Variants in ASAP1 observed in about 807,000 individuals in gnomAD.
ASAP1 encodes the protein arf-GAP with SH3 domain, ANK repeat and PH domain-containing protein 1.
In ASAP1, 43 loss-of-function variants were observed where a neutral mutation model predicts 145.2. The observed-to-expected ratio is 0.30, with a 90% CI of 0.23 to 0.38. The LOEUF is 0.38. ASAP1 is among the 10% of genes least tolerant of loss of function. The pLI, the probability that ASAP1 is intolerant of heterozygous loss-of-function variation, is 1.00. For synonymous variants in ASAP1, 546 were observed against 515.5 expected, an observed-to-expected ratio of 1.06 and a Z score of -0.80; for missense variants, 1,018 against 1,355.3, an observed-to-expected ratio of 0.75 and a Z score of 3.91.
intron 24 of ASAP1, among the ~76,000 whole-genome samples, chr8:130,110,008 G>A (rs2097544099): frequency 6.6e-6 from 1 of 152,186 alleles, no homozygotes; most frequent in Non-Finnish European, 1.5e-5. Context: ...GATGACCACG[G>A]TTGCTGTGGC....
chr8:130,277,068 ATG>A (rs1000953354), intron 3 of ASAP1, among the ~76,000 whole-genome samples: 17 of 152,048 alleles, frequency 1.1e-4, no homozygotes, highest in Non-Finnish European at 2.1e-4. Context: ...TCAGAATCAC[ATG>A]TGTGTGCTTT....
chr8:130,168,569 G>A (rs765470639), intron 10 of ASAP1, among the ~76,000 whole-genome samples: 10 of 152,104 alleles, frequency 6.6e-5, no homozygotes, highest in Non-Finnish European at 1.3e-4. Context: ...CAGCCTGGGC[G>A]ACAGAGTGAG....
At chr8:130,383,000 G>A (rs115300792) in intron 2 of ASAP1, among the ~76,000 whole-genome samples, 1 of 152,172 alleles carries the variant, frequency 6.6e-6, no homozygotes. Context: ...CCAGCAGAGA[G>A]AACAGCATGT....
chr8:130,233,012 AGT>A (rs377390432), intron 4 of ASAP1, among the ~76,000 whole-genome samples: 2 of 152,330 alleles, frequency 1.3e-5, no homozygotes, highest in African/African-American at 4.8e-5. Flanking sequence ...TTACTCATTT[AGT>A]CATTTTTAAA....
At chr8:130,075,988 G>A (rs923847058) in intron 27 of ASAP1, among the ~76,000 whole-genome samples, 4 of 152,176 alleles carry the variant, frequency 2.6e-5, no homozygotes, top group Admixed American at 6.5e-5. Flanking sequence ...GTTTAGTGAA[G>A]CTACTACGTC....
chr8:130,246,227 AG>A (rs1203562276), intron 3 of ASAP1, among the ~76,000 whole-genome samples: 1 of 152,132 alleles, frequency 6.6e-6, no homozygotes, highest in Admixed American at 6.5e-5. Context: ...AGATGAGTGA[AG>A]GGAGATGAGT....
At chr8:130,085,792 T>C (rs952316861) in intron 25 of ASAP1, among the ~76,000 whole-genome samples, 1 of 133,794 alleles carries the variant, frequency 7.5e-6, no homozygotes, top group African/African-American at 2.8e-5. Context: ...TCAAAAATCA[T>C]AAATTCCCTA....
chr8:130,313,054 G>A (rs906725735), intron 3 of ASAP1, among the ~76,000 whole-genome samples: 1 of 152,112 alleles, frequency 6.6e-6, no homozygotes, highest in Non-Finnish European at 1.5e-5. Context: ...TGAACTGTTG[G>A]GTTTTTAATA....
intron 9 of ASAP1, among the ~76,000 whole-genome samples, chr8:130,170,141 C>A (rs975942618): frequency 6.6e-6 from 1 of 152,080 alleles, no homozygotes; most frequent in African/African-American, 2.4e-5. Context: ...CACAGTGGGC[C>A]CAACACAAAG....
chr8:130,313,727 T>A (rs1823496906), intron 3 of ASAP1, among the ~76,000 whole-genome samples: 1 of 152,222 alleles, frequency 6.6e-6, no homozygotes, highest in African/African-American at 2.4e-5. Context: ...AAAAATCTTA[T>A]GAATTTTTAT....
chr8:130,271,477 G>A (rs1255341669), intron 3 of ASAP1, among the ~76,000 whole-genome samples: 1 of 152,192 alleles, frequency 6.6e-6, no homozygotes, highest in East Asian at 1.9e-4. Context: ...TCAAGGAAAA[G>A]GAGAGTAGGA....
At chr8:130,353,664 GT>G (rs1826130553) in intron 3 of ASAP1, among the ~76,000 whole-genome samples, 1 of 152,200 alleles carries the variant, frequency 6.6e-6, no homozygotes, top group Admixed American at 6.5e-5. Flanking sequence ...GAGGTCGGGA[GT>G]TTGAGACCAG....
rs1383532692 is a variant in ASAP1, at chr8:130,348,442, A to G, written c.186+9575T>C. Among the ~76,000 whole-genome samples, 7 of 152,138 alleles carry G rather than the reference A, an allele frequency of 4.6e-5. No homozygotes were observed. The South Asian group carries it at 1.2e-3, about 27-fold the overall frequency. On this transcript the variant is annotated intron_variant, in intron 3 of 29. Coordinates refer to ENST00000518721, the MANE Select transcript of ASAP1 (RefSeq NM_018482.4). Reference sequence around the variant, plus strand: ...GACACATATTCCAGTTCTTTGGGGGAAAATTATACCATAGCTTGGCATTAA... The same window carrying G: ...GACACATATTCCAGTTCTTTGGGGGGAAATTATACCATAGCTTGGCATTAA...
chr8:130,252,159 T>A (rs1331005232), intron 3 of ASAP1, among the ~76,000 whole-genome samples: 1 of 152,216 alleles, frequency 6.6e-6, no homozygotes, highest in African/African-American at 2.4e-5. Context: ...CTATGGTTAC[T>A]AAAAATTATG....
chr8:130,387,002 C>T (rs1011134546), intron 2 of ASAP1: 1 of 152,192 alleles, frequency 6.6e-6, no homozygotes, highest in Admixed American at 6.5e-5. Context: ...ACTATGGTGA[C>T]TCACAAAAAG....
intron 3 of ASAP1, among the ~76,000 whole-genome samples, chr8:130,319,830 A>G (rs1429189698): frequency 6.6e-6 from 1 of 152,268 alleles, no homozygotes; most frequent in African/African-American, 2.4e-5. Context: ...ACAGAGGGCA[A>G]AAGTTTTTAA....
chr8:130,335,291 T>TA (rs1212314056), intron 3 of ASAP1, among the ~76,000 whole-genome samples: 2 of 152,196 alleles, frequency 1.3e-5, no homozygotes, highest in Admixed American at 6.5e-5. Context: ...AGCATTTAAA[T>TA]AGATTGCTTC....
chr8:130,390,166 C>T (rs1278331447), intron 2 of ASAP1, among the ~76,000 whole-genome samples: 4 of 152,208 alleles, frequency 2.6e-5, no homozygotes, highest in Non-Finnish European at 2.9e-5. Flanking sequence ...ACTATTACCT[C>T]GCTTTACCTC....
Position 130,164,582 on chromosome 8 carries a change from G to A in ASAP1, c.909+2954C>T, listed in dbSNP as rs564013467. ...CTCCAGTCTGGGCGACAGAGACTCC[G>A]TCTCAAAAAAACCAAAACAAAAACC... On this transcript the variant is annotated intron_variant, in intron 11 of 29. Coordinates refer to ENST00000518721, the MANE Select transcript of ASAP1 (RefSeq NM_018482.4). Among the ~76,000 whole-genome samples the A allele has an allele frequency of 5.9e-5, 9 of 152,162 alleles. No individual in the cohort carries two copies. In the East Asian group the frequency reaches 1.7e-3, roughly 29 times the overall value.
Sources: gnomAD v4.1 joint callset for allele counts (sites outside exome capture counted in the v4.1 genomes callset) on GRCh38, gnomAD v4.1.1 for gene constraint, MANE v1.5 for transcripts, NCBI Gene and HGNC (gene_info 2026-07-23, HGNC 2026-07-21) for gene names.